Variants in LITAF observed in about 807,000 individuals in gnomAD.
The protein encoded by LITAF is lipopolysaccharide induced TNF factor, also known as lipopolysaccharide-induced tumor necrosis factor-alpha factor.
LITAF carries 9 observed loss-of-function variants against 14.5 expected under a neutral mutation model. The observed-to-expected ratio is 0.62, with a 90% CI of 0.37 to 1.08. LITAF has a LOEUF of 1.08. LITAF is among the 50% of genes least tolerant of loss of function. LITAF has a pLI of 0.01. For synonymous variants in LITAF, 98 were observed against 88.2 expected (o/e 1.11, Z -0.62); for missense variants, 206 against 213.4 (o/e 0.97, Z 0.22).
intron 3 of LITAF, among the ~76,000 whole-genome samples, chr16:11,630,346 T>C (rs964464033): frequency 6.6e-6 from 1 of 152,194 alleles, no homozygotes; most frequent in Non-Finnish European, 1.5e-5. Flanking sequence ...GCCACAGTGC[T>C]ACTTTGAAAC....
At chr16:11,580,755 G>A (rs56754505) in intron 1 of LITAF, among the ~76,000 whole-genome samples, 1,742 of 152,062 alleles carry the variant, frequency 0.011, 36 homozygotes, top group African/African-American at 0.04. Flanking sequence ...AGGAGCCCCA[G>A]GCCCCTATTC....
intron 1 of LITAF, among the ~76,000 whole-genome samples, chr16:11,583,832 C>T (rs894944788): frequency 1.3e-5 from 2 of 152,152 alleles, no homozygotes; most frequent in African/African-American, 2.4e-5. Flanking sequence ...CTACCTACTG[C>T]GAGGTGAGCA....
rs188187396 is a variant in LITAF at position 11,558,489 on chromosome 16, C to A, written c.-5-1754G>T. Among the ~76,000 whole-genome samples, 15 of 152,294 alleles carry A rather than the reference C, an allele frequency of 9.8e-5. No homozygotes were observed. The highest frequency in any genetic ancestry group is 6.8e-3 in the Middle Eastern group (2 of 294). ...TTGGGAGGTTGAGGCAGGAGGATCA[C>A]TTGAGCCCAGGAATTCACCACCAGC... On this transcript the variant is annotated intron_variant, in intron 1 of 3. Coordinates refer to ENST00000622633, the MANE Select transcript of LITAF (RefSeq NM_001136472.2). This position sits in a 1 kb window ranked among gnomAD's most constrained non-coding sequence, Gnocchi z 4.1.
chr16:11,575,381 G>A (rs1365671261), intron 1 of LITAF: 1 of 152,220 alleles, frequency 6.6e-6, no homozygotes. Flanking sequence ...GGTACAGCGG[G>A]GACAGACACC....
At position 11,548,222 on chromosome 16, in the gene LITAF, G is replaced by T. The variant is rs80119580; in HGVS notation, c.*1415C>A. On this transcript the variant is annotated 3_prime_UTR_variant, in exon 4 of 4. Coordinates refer to ENST00000622633, the MANE Select transcript of LITAF (RefSeq NM_001136472.2). ...ATTCACATGAGTTCCCTATTCTGAA[G>T]TATTATCAAAACGAGGACCCTTGAA... 0.014 allele frequency: 6,554 copies of T among 454,018 alleles called. 344 individuals carry two copies. The highest frequency in any genetic ancestry group is 0.12 in the African/African-American group (5,866 of 50,060). 28.1% of individuals were successfully genotyped at this position (454,018 alleles called of 1,614,324 possible).
chr16:11,569,251 C>G (rs2064504799), intron 1 of LITAF, among the ~76,000 whole-genome samples: 1 of 152,066 alleles, frequency 6.6e-6, no homozygotes, highest in Non-Finnish European at 1.5e-5. Flanking sequence ...AGATAAATTT[C>G]TGTTTTTGAG....
intron 3 of LITAF, among the ~76,000 whole-genome samples, chr16:11,603,858 C>T (rs2064940975): frequency 6.6e-6 from 1 of 150,878 alleles, no homozygotes; most frequent in Non-Finnish European, 1.5e-5. Context: ...TCCTGGCTAA[C>T]ACAGTGAAAC....
exon 1 of LITAF, chr16:11,598,438 G>T (rs930651803): frequency 2.0e-5 from 3 of 152,224 alleles, no homozygotes; most frequent in African/African-American, 7.2e-5. Context: ...CCATATCAGT[G>T]TCTGTCCATC....
chr16:11,609,210 T>A (rs1207484023), intron 3 of LITAF, among the ~76,000 whole-genome samples: 1 of 131,898 alleles, frequency 7.6e-6, no homozygotes, highest in South Asian at 2.4e-4. Flanking sequence ...AATAGTAGAC[T>A]TTTTTTTTTT....
intron 1 of LITAF, among the ~76,000 whole-genome samples, chr16:11,563,172 A>G (rs935074220): frequency 6.6e-6 from 1 of 151,616 alleles, no homozygotes; most frequent in Non-Finnish European, 1.5e-5. Context: ...TTTTTGAGTC[A>G]GAGTCTCACT....
chr16:11,582,504 C>T (rs925910238), intron 1 of LITAF, among the ~76,000 whole-genome samples: 6 of 152,052 alleles, frequency 3.9e-5, no homozygotes, highest in African/African-American at 7.2e-5. Context: ...ACTTAATCCT[C>T]GAAGATCGAT....
Position 11,551,539 on chromosome 16 carries a change from C to G in LITAF, c.378-1794G>C, listed in dbSNP as rs76278127. On this transcript the variant is annotated intron_variant, in intron 3 of 3. Transcript: ENST00000622633. ...AAAGCCAGACTGGCAGAGGCCAATA[C>G]TCAATGTAAGTTTCTATTCCTCTAT... Among the ~76,000 whole-genome samples the G allele has an allele frequency of 4.4e-3, 670 of 152,280 alleles. 7 individuals are homozygous for G. The highest frequency in any genetic ancestry group is 0.016 in the African/African-American group (649 of 41,550).
Position 11,549,269 on chromosome 16 carries a change from A to C in LITAF, c.*368T>G. 4.6e-6 allele frequency: 2 copies of C among 438,942 alleles called. No homozygotes were observed. Among genetic ancestry groups the C allele is most frequent in the South Asian group, 3.2e-5 (2 of 62,238 alleles). 27.2% of individuals were successfully genotyped at this position (438,942 alleles called of 1,614,324 possible). A position where few individuals can be genotyped will look rare whatever the true frequency, so the allele number is the denominator to read the frequency against. On this transcript the variant is annotated 3_prime_UTR_variant, in exon 4 of 4. Coordinates refer to ENST00000622633, the MANE Select transcript of LITAF (RefSeq NM_001136472.2). This position sits in a 1 kb window ranked among gnomAD's most constrained non-coding sequence, Gnocchi z 4.6. ...AAGGCAACTGTGGCTTCTCAGTTTG[A>C]GACTGCCACCAGAAAGGCCCATGGA...
In LITAF at chr16:11,558,357, C is replaced by T. The variant is rs144966128; in HGVS notation, c.-5-1622G>A. 3.9e-5 allele frequency among the ~76,000 whole-genome samples: 6 copies of T among 152,268 alleles called. No individual in the cohort carries two copies. The highest frequency in any genetic ancestry group is 7.4e-5 in the Non-Finnish European group (5 of 68,020). On this transcript the variant is annotated intron_variant, in intron 1 of 3. Coordinates refer to ENST00000622633, the MANE Select transcript of LITAF (RefSeq NM_001136472.2). This position sits in a 1 kb window ranked among gnomAD's most constrained non-coding sequence, Gnocchi z 4.1. ...AGCCGAGGTGGCAGGATAGCCTGAG[C>T]CCAGGATCTCAAGACTAACCTGGGC...
At chr16:11,612,551 G>A (rs753546650) in intron 3 of LITAF, among the ~76,000 whole-genome samples, 2 of 152,210 alleles carry the variant, frequency 1.3e-5, no homozygotes, top group Non-Finnish European at 2.9e-5. Context: ...TGCGGCCAGC[G>A]GGCGGCCAGG....
chr16:11,604,518 A>G (rs1053757021), intron 3 of LITAF, among the ~76,000 whole-genome samples: 14 of 151,484 alleles, frequency 9.2e-5, no homozygotes, highest in African/African-American at 3.4e-4. Context: ...ATCATCAAGA[A>G]TCTCTCGGCC....
intron 1 of LITAF, among the ~76,000 whole-genome samples, chr16:11,573,036 C>G (rs554208364): frequency 6.6e-6 from 1 of 151,450 alleles, no homozygotes; most frequent in South Asian, 2.1e-4. Context: ...TCAAGCAATT[C>G]TCATGCCTCA....
chr16:11,572,476 A>G lies in LITAF; in HGVS notation c.-6+14410T>C, dbSNP rs558373023. Reference sequence around the variant, plus strand: ...ACATCACACACCAGCGAGAAGTCACATGACATCACACACCTGCTGACGGGA... The same window carrying G: ...ACATCACACACCAGCGAGAAGTCACGTGACATCACACACCTGCTGACGGGA... On this transcript the variant is annotated intron_variant, in intron 1 of 3. Coordinates refer to ENST00000622633, the MANE Select transcript of LITAF (RefSeq NM_001136472.2). Among the ~76,000 whole-genome samples the G allele has an allele frequency of 8.0e-3, 1,206 of 151,642 alleles. 17 individuals carry two copies. The highest frequency in any genetic ancestry group is 0.028 in the African/African-American group (1,138 of 40,968).
chr16:11,636,384 G>T (rs1479712083), upstream of LITAF: 1 of 152,252 alleles, frequency 6.6e-6, no homozygotes, highest in East Asian at 1.9e-4. Flanking sequence ...TACTGCTTCC[G>T]CAGTGGAATG....
Sources: gnomAD v4.1 joint callset for allele counts (sites outside exome capture counted in the v4.1 genomes callset) on GRCh38, gnomAD v4.1.1 for gene constraint, Gnocchi (gnomAD v3.1) non-coding constraint, MANE v1.5 for transcripts, NCBI Gene and HGNC (gene_info 2026-07-23, HGNC 2026-07-21) for gene names.